The following GALNTL6 variants were observed in gnomAD, a reference collection of about 807,000 sequenced individuals.
The protein encoded by GALNTL6 is polypeptide N-acetylgalactosaminyltransferase-like 6.
A neutral mutation model predicts 73.7 loss-of-function variants in GALNTL6; 46 were observed. That is an observed-to-expected ratio of 0.62 (90% CI 0.49 to 0.80). The LOEUF (loss-of-function observed/expected upper bound fraction) is 0.80. GALNTL6 is among the 30% of genes least tolerant of loss of function. GALNTL6 has a pLI of 0.00. For missense variants in GALNTL6, 604 were observed against 755.0 expected, an observed-to-expected ratio of 0.80 and a Z score of 2.34; for synonymous variants, 259 against 263.7, an observed-to-expected ratio of 0.98 and a Z score of 0.17.
intron 2 of GALNTL6, among the ~76,000 whole-genome samples, chr4:171,992,630 T>C (rs192700853): frequency 5.9e-5 from 9 of 152,182 alleles, no homozygotes; most frequent in East Asian, 1.9e-4. Context: ...ACAAAAGTGA[T>C]TTCTCAAAAG....
At chr4:172,764,115 C>T (rs1294983474) in intron 5 of GALNTL6, among the ~76,000 whole-genome samples, 1 of 152,054 alleles carries the variant, frequency 6.6e-6, no homozygotes, top group Non-Finnish European at 1.5e-5. Context: ...TGCGCCACTG[C>T]GCCCAGCTAA....
intron 12 of GALNTL6, among the ~76,000 whole-genome samples, chr4:173,022,058 G>A (rs1162656857): frequency 3.0e-5 from 3 of 101,194 alleles, no homozygotes; most frequent in Non-Finnish European, 6.3e-5. Context: ...AAGGAAGGAA[G>A]GAAGGAAGGA....
chr4:172,073,605 G>A (rs1005265994), intron 2 of GALNTL6, among the ~76,000 whole-genome samples: 12 of 152,132 alleles, frequency 7.9e-5, no homozygotes, highest in Non-Finnish European at 1.8e-4. Context: ...ATTTTACCTG[G>A]GGAAATAAAC....
chr4:172,245,710 A>G (rs902715569), intron 3 of GALNTL6, among the ~76,000 whole-genome samples: 5 of 152,126 alleles, frequency 3.3e-5, no homozygotes, highest in Non-Finnish European at 7.4e-5. Flanking sequence ...AAGATCTGGC[A>G]CAAATTTGTC....
intron 2 of GALNTL6, among the ~76,000 whole-genome samples, chr4:172,087,445 A>C (rs77022764): frequency 0.021 from 2,889 of 136,288 alleles, 43 homozygotes; most frequent in Non-Finnish European, 0.031. Flanking sequence ...ACTCCATCCC[A>C]AAAAAAAAAA....
chr4:172,112,360 T>C lies in GALNTL6; in HGVS notation c.139-117296T>C, dbSNP rs114367700. 3.9e-3 allele frequency among the ~76,000 whole-genome samples: 595 copies of C among 152,180 alleles called. 3 individuals are homozygous for C. Among genetic ancestry groups the C allele is most frequent in the African/African-American group, 0.013 (554 of 41,572 alleles). On this transcript the variant is annotated intron_variant, in intron 2 of 12. Coordinates refer to ENST00000506823, the MANE Select transcript of GALNTL6 (RefSeq NM_001034845.3). The stretch of plus-strand genomic sequence containing the variant: ...CGAATAAAGCTGCTATAAATGTCCA[T>C]GTGTAGGTTTTTTTGTGGACATAAG...
chr4:171,961,608 T>C (rs1193613991), intron 2 of GALNTL6, among the ~76,000 whole-genome samples: 1 of 152,176 alleles, frequency 6.6e-6, no homozygotes, highest in Non-Finnish European at 1.5e-5. Flanking sequence ...AATGGGAAAC[T>C]GAAGAAATAA....
intron 2 of GALNTL6, among the ~76,000 whole-genome samples, chr4:171,962,090 T>C (rs1045495262): frequency 1.2e-4 from 19 of 152,324 alleles, no homozygotes; most frequent in African/African-American, 3.8e-4. Context: ...TCCTCTCTAC[T>C]GTGAATACAA....
At chr4:171,943,641 C>T (rs924513248) in intron 2 of GALNTL6, among the ~76,000 whole-genome samples, 6 of 152,106 alleles carry the variant, frequency 3.9e-5, no homozygotes, top group African/African-American at 1.4e-4. Flanking sequence ...TCTGTATTTG[C>T]TTGCTACTTG....
intron 5 of GALNTL6, among the ~76,000 whole-genome samples, chr4:172,536,440 A>G (rs973328928): frequency 6.6e-6 from 1 of 152,228 alleles, no homozygotes; most frequent in African/African-American, 2.4e-5. Flanking sequence ...GCTGATAGTG[A>G]TATAAACAAT....
Position 172,188,079 on chromosome 4 carries a change from A to C in GALNTL6, c.139-41577A>C, listed in dbSNP as rs549072300. Among the ~76,000 whole-genome samples, 277 of 152,330 alleles carry C rather than the reference A, an allele frequency of 1.8e-3. 1 individual carries two copies. The highest frequency in any genetic ancestry group is 6.1e-3 in the African/African-American group (253 of 41,576). On this transcript the variant is annotated intron_variant, in intron 2 of 12. Coordinates refer to ENST00000506823, the MANE Select transcript of GALNTL6 (RefSeq NM_001034845.3). ...TTTCTACATAATCATTGAGATAAGT[A>C]GTGACTGCTGAGGCTGATGGTATCT...
chr4:173,036,267 A>T (rs1490080879), intron 12 of GALNTL6, among the ~76,000 whole-genome samples: 4 of 152,162 alleles, frequency 2.6e-5, no homozygotes, highest in Non-Finnish European at 4.4e-5. Flanking sequence ...CTATCTTTGC[A>T]TCTTTAGCAT....
chr4:172,030,275 G>A (rs942991531), intron 2 of GALNTL6, among the ~76,000 whole-genome samples: 7 of 151,882 alleles, frequency 4.6e-5, no homozygotes, highest in Admixed American at 3.9e-4. Context: ...AATAGCTCTG[G>A]TTTACAAAAT....
At chr4:172,354,794 C>T (rs1742094235) in intron 5 of GALNTL6, among the ~76,000 whole-genome samples, 1 of 152,094 alleles carries the variant, frequency 6.6e-6, no homozygotes, top group African/African-American at 2.4e-5. Context: ...TTCAGTCTCA[C>T]TGGATGTTAA....
intron 5 of GALNTL6, among the ~76,000 whole-genome samples, chr4:172,497,582 T>G (rs1734108006): frequency 6.6e-6 from 1 of 152,216 alleles, no homozygotes; most frequent in Non-Finnish European, 1.5e-5. Context: ...TATTATTAGG[T>G]CCCTGTTCAG....
chr4:172,696,770 A>T (rs1733721567), intron 5 of GALNTL6, among the ~76,000 whole-genome samples: 1 of 152,206 alleles, frequency 6.6e-6, no homozygotes, highest in Non-Finnish European at 1.5e-5. Flanking sequence ...AGTCTCTGGT[A>T]TGTCTTTATT....
intron 5 of GALNTL6, among the ~76,000 whole-genome samples, chr4:172,554,701 A>T (rs1018264535): frequency 2.0e-5 from 3 of 152,144 alleles, no homozygotes; most frequent in Non-Finnish European, 4.4e-5. Context: ...TTTCCTCAAC[A>T]TTGTGGTTAT....
intron 2 of GALNTL6, among the ~76,000 whole-genome samples, chr4:171,985,504 T>C (rs1421637741): frequency 6.6e-6 from 1 of 152,158 alleles, no homozygotes; most frequent in Non-Finnish European, 1.5e-5. Flanking sequence ...TTCTTTTACA[T>C]GATGTTGCTT....
intron 7 of GALNTL6, among the ~76,000 whole-genome samples, chr4:172,838,855 G>T (rs181864214): frequency 6.6e-6 from 1 of 152,048 alleles, no homozygotes; most frequent in Non-Finnish European, 1.5e-5. Context: ...AGATAAATTC[G>T]CAGGTAATCA....
Sources: gnomAD v4.1 joint callset for allele counts (sites outside exome capture counted in the v4.1 genomes callset) on GRCh38, gnomAD v4.1.1 for gene constraint, MANE v1.5 for transcripts, NCBI Gene and HGNC (gene_info 2026-07-23, HGNC 2026-07-21) for gene names.